Variants in NCKAP5L observed in about 807,000 individuals in gnomAD.
NCKAP5L encodes the protein nck-associated protein 5-like.
A neutral mutation model predicts 103.2 loss-of-function variants in NCKAP5L; 54 were observed. That is an observed-to-expected ratio of 0.52 (90% CI 0.42 to 0.66). NCKAP5L has a LOEUF of 0.66. Among genes scored for constraint, NCKAP5L ranks in the 30% least tolerant of loss-of-function variants. NCKAP5L has a pLI of 0.00. For missense variants in NCKAP5L, 1,733 were observed against 1,750.6 expected (o/e 0.99, Z 0.18); for synonymous variants, 762 against 748.6 (o/e 1.02, Z -0.29).
chr12:49,802,154 G>A (rs1946127125), intron 5 of NCKAP5L, 187 bp from the exon 6 acceptor site: 7 of 605,642 alleles, frequency 1.2e-5, no homozygotes, highest in Non-Finnish European at 2.0e-5. Context: ...GCATCTTCTA[G>A]GGATGGTAAA....
rs558032383 is a variant in NCKAP5L at position 49,810,898 on chromosome 12, A to C, written c.-98-4857T>G. On this transcript the variant is annotated intron_variant, in intron 1 of 12. Transcript: ENST00000335999. Reference sequence around the variant, plus strand: ...GGTCCTCAAGTTTTAAGCGTATAGAAGGGTCCTCAGACCAAAAAGTTGGAG... The same window carrying C: ...GGTCCTCAAGTTTTAAGCGTATAGACGGGTCCTCAGACCAAAAAGTTGGAG... Among the ~76,000 whole-genome samples, 9 of 152,366 alleles carry C rather than the reference A, an allele frequency of 5.9e-5. 1 individual carries two copies. In the South Asian group the frequency reaches 1.9e-3, roughly 32 times the overall value.
intron 1 of NCKAP5L, among the ~76,000 whole-genome samples, chr12:49,814,506 G>C (rs893136697): frequency 5.4e-5 from 8 of 149,522 alleles, no homozygotes; most frequent in African/African-American, 1.5e-4. Context: ...AAAAGAAAAA[G>C]AAAATATTTT....
Position 49,806,464 on chromosome 12 carries a change from G to A in NCKAP5L, c.-98-423C>T, listed in dbSNP as rs182678339. Reference sequence around the variant, plus strand: ...TATCAGTGCCTGTGTTTCAGATGAGGAAACCGAGGAACAGAAAGTTACACT... The same window carrying A: ...TATCAGTGCCTGTGTTTCAGATGAGAAAACCGAGGAACAGAAAGTTACACT... On this transcript the variant is annotated intron_variant, in intron 1 of 12. Transcript: ENST00000335999. 7.2e-5 allele frequency among the ~76,000 whole-genome samples: 11 copies of A among 152,338 alleles called. No individual in the cohort carries two copies. In the East Asian group the frequency reaches 2.1e-3, roughly 29 times the overall value.
Position 49,793,418 on chromosome 12 carries a change from C to T in NCKAP5L, c.3274G>A (p.Gly1092Arg), listed in dbSNP as rs752396833. 5 of 1,609,498 alleles carry T rather than the reference C, an allele frequency of 3.1e-6. No individual in the cohort carries two copies. The Admixed American group carries it at 5.0e-5, about 16-fold the overall frequency. Residue 1092 changes from glycine (G) to arginine (R), a missense_variant, in exon 10 of 13, where the codon GGG (glycine) becomes AGG (arginine). Coordinates refer to ENST00000335999, the MANE Select transcript of NCKAP5L (RefSeq NM_001037806.4). Reference protein sequence around the residue: ...KPPGKPSSEPGRREEMPSEDS... With the variant: ...KPPGKPSSEPRRREEMPSEDS... ...TCCGAGGGCATCTCTTCCCGCCTCC[C>T]TGGCTCGCTGCTCGGCTGTGTGGGA...
intron 6 of NCKAP5L, among the ~76,000 whole-genome samples, chr12:49,801,579 T>C (rs190966951): frequency 2.0e-5 from 3 of 152,058 alleles, no homozygotes. Context: ...AATAATTGCA[T>C]CTGCAGACTC....
In NCKAP5L at chr12:49,792,794, C is replaced by T. The variant is rs376570820; in HGVS notation, c.3533G>A (p.Arg1178Gln). The change falls in exon 11 of 13, where the codon CGG becomes CAG. Residue 1178 changes from arginine (R) to glutamine (Q), a missense_variant. Transcript: ENST00000335999. The surrounding 1 kb of genome is among the most constrained non-coding windows in gnomAD (Gnocchi z 4.5). ...CAGCTCCTCTATGCCTGGCACCTCCCGCTCCAGTGTGTGGGCGCGGCGGGG... is the reference window on the plus strand; with the variant it reads ...CAGCTCCTCTATGCCTGGCACCTCCTGCTCCAGTGTGTGGGCGCGGCGGGG... ...KVPRRAHTLE[R>Q]EVPGIEELLV... 2.9e-5 allele frequency: 46 copies of T among 1,603,760 alleles called. No homozygotes were observed. The highest frequency in any genetic ancestry group is 3.8e-5 in the Non-Finnish European group (45 of 1,177,026).
At chr12:49,821,251 C>G (rs188287026) in intron 1 of NCKAP5L, among the ~76,000 whole-genome samples, 1 of 152,286 alleles carries the variant, frequency 6.6e-6, no homozygotes, top group East Asian at 1.9e-4. Flanking sequence ...AAGCAAACCC[C>G]CATCCCCACC....
chr12:49,793,639 C>G, intron 9 of NCKAP5L, 95 bp downstream of exon 9: 1 of 1,426,198 alleles, frequency 7.0e-7, no homozygotes, highest in Admixed American at 2.8e-5. Flanking sequence ...ATCCGGCACT[C>G]ATGGTCTTGG....
At chr12:49,808,701 A>G (rs1592755887) in intron 1 of NCKAP5L, among the ~76,000 whole-genome samples, 1 of 152,084 alleles carries the variant, frequency 6.6e-6, no homozygotes, top group African/African-American at 2.4e-5. Context: ...CTGCCTCCCC[A>G]GGGGCTGAGC....
At chr12:49,823,258 C>G (rs1946380616) in intron 1 of NCKAP5L, among the ~76,000 whole-genome samples, 1 of 151,988 alleles carries the variant, frequency 6.6e-6, no homozygotes, top group South Asian at 2.1e-4. Context: ...AAGTTTGGGG[C>G]AAGTGGGGTA....
intron 1 of NCKAP5L, among the ~76,000 whole-genome samples, chr12:49,818,472 C>G (rs1357766377): frequency 3.3e-5 from 5 of 152,198 alleles, no homozygotes; most frequent in African/African-American, 9.7e-5. Context: ...ATCCTCCCAC[C>G]TCAGCCTCCT....
Position 49,795,160 on chromosome 12 carries a change from G to A in NCKAP5L, c.2700C>T (p.Gly900=), listed in dbSNP as rs774888857. The change falls in exon 8 of 13, where the codon GGC becomes GGT. Residue 900 remains glycine (G), a synonymous_variant. Transcript: ENST00000335999. ...GIEENVLRLQ[G]QERAPGAEVK... ...CCTCGGCGCCAGGGGCTCGCTCCTG[G>A]CCCTGGAGCCGCAGCACGTTCTCCT... 1.6e-5 allele frequency: 26 copies of A among 1,605,674 alleles called. 1 individual carries two copies. In the South Asian group the frequency reaches 1.9e-4, roughly 12 times the overall value.
chr12:49,805,714 GA>G (rs931027423), intron 2 of NCKAP5L: 7 of 150,906 alleles, frequency 4.6e-5, no homozygotes, highest in African/African-American at 9.7e-5. Context: ...TCTACCAAAA[GA>G]AAAAAAAAGA....
chr12:49,816,753 C>A (rs952748413), intron 1 of NCKAP5L, among the ~76,000 whole-genome samples: 1 of 150,890 alleles, frequency 6.6e-6, no homozygotes, highest in African/African-American at 2.4e-5. Context: ...GCTGAAATCG[C>A]GCCACTGTAC....
At chr12:49,824,601 C>T (rs1472327348) in intron 1 of NCKAP5L, among the ~76,000 whole-genome samples, 1 of 152,248 alleles carries the variant, frequency 6.6e-6, no homozygotes, top group Non-Finnish European at 1.5e-5. Flanking sequence ...GACCTTTTCC[C>T]ACTGTGTCCC....
At position 49,824,411 on chromosome 12, in the gene NCKAP5L, G is replaced by C. The variant is rs141696879; in HGVS notation, c.-99+3911C>G. ...AAGAAATGGGGAAGACTGCTTCTTG[G>C]GGACCCCAGCCCATCTCTGAAGCCC... On this transcript the variant is annotated intron_variant, in intron 1 of 12. Coordinates refer to ENST00000335999, the MANE Select transcript of NCKAP5L (RefSeq NM_001037806.4). Among the ~76,000 whole-genome samples the C allele has an allele frequency of 9.2e-3, 1,406 of 152,344 alleles. 11 individuals carry two copies. Among genetic ancestry groups the C allele is most frequent in the South Asian group, 0.027 (132 of 4,822 alleles).
At chr12:49,808,189 A>T (rs569604064) in intron 1 of NCKAP5L, among the ~76,000 whole-genome samples, 3 of 152,192 alleles carry the variant, frequency 2.0e-5, no homozygotes, top group African/African-American at 7.2e-5. Flanking sequence ...GCCCCTGTGA[A>T]TCCCAGGCCA....
chr12:49,822,462 A>G (rs1028930578), intron 1 of NCKAP5L, among the ~76,000 whole-genome samples: 1 of 152,070 alleles, frequency 6.6e-6, no homozygotes, highest in Non-Finnish European at 1.5e-5. Flanking sequence ...ATTTGTGTGT[A>G]TTTGGTATTG....
At position 49,801,926 on chromosome 12, in the gene NCKAP5L, A is replaced by T. The variant is rs2137011073; in HGVS notation, c.273T>A (p.Phe91Leu). The change falls in exon 6 of 13, where the codon TTT becomes TTA. Residue 91 changes from phenylalanine (F) to leucine (L), a missense_variant. By Grantham distance (22) the Phe-to-Leu change is conservative. Coordinates refer to ENST00000335999, the MANE Select transcript of NCKAP5L (RefSeq NM_001037806.4). The part of the protein sequence containing the change: ...EECIKLKKRV[F>L]DLERQNQMLS... ...GCATCTGGTTCTGCCGTTCCAGGTC[A>T]AACACTCTCTTCTTCAGCTTGATGC... 1 of 1,613,970 alleles carries T rather than the reference A, an allele frequency of 6.2e-7. No individual in the cohort carries two copies. The highest frequency in any genetic ancestry group is 1.7e-5 in the Admixed American group (1 of 60,018).
Sources: allele counts gnomAD v4.1 joint callset (sites outside exome capture counted in the v4.1 genomes callset), GRCh38; gene constraint gnomAD v4.1.1; non-coding constraint Gnocchi (gnomAD v3.1); transcripts MANE v1.5; gene names NCBI Gene and HGNC (gene_info 2026-07-23, HGNC 2026-07-21).